Variants in EPB41 observed in about 807,000 individuals in gnomAD.
The protein encoded by EPB41 is protein 4.1.
In EPB41, 65 loss-of-function variants were observed where a neutral mutation model predicts 108.0. The ratio of observed to expected loss-of-function variants is 0.60; its 90% CI spans 0.49 to 0.74. The LOEUF is 0.74. Among genes scored for constraint, EPB41 ranks in the 30% least tolerant of loss-of-function variants. The pLI is 0.00. For synonymous variants in EPB41, 336 were observed against 358.9 expected (o/e 0.94, Z 0.72); for missense variants, 875 against 1,037.0 (o/e 0.84, Z 2.15).
At chr1:29,108,732 T>G (rs1307751860) in intron 17 of EPB41, among the ~76,000 whole-genome samples, 3 of 151,202 alleles carry the variant, frequency 2.0e-5, no homozygotes, top group Non-Finnish European at 4.4e-5. Context: ...TAATTTTGTT[T>G]TTTTAGTAGA....
intron 1 of EPB41, among the ~76,000 whole-genome samples, chr1:28,939,256 A>G (rs183259044): frequency 1.3e-5 from 2 of 152,042 alleles, no homozygotes; most frequent in Non-Finnish European, 2.9e-5. Flanking sequence ...TGAGATGATC[A>G]TGTGGATTTT....
At chr1:28,999,369 CA>C (rs1019507326) in intron 4 of EPB41, among the ~76,000 whole-genome samples, 1 of 150,094 alleles carries the variant, frequency 6.7e-6, no homozygotes, top group Non-Finnish European at 1.5e-5. Context: ...GACTCCATCT[CA>C]AAAAAAAGAA....
In EPB41 at chr1:29,109,743, A is replaced by C. The variant is rs533491054; in HGVS notation, c.2415+306A>C. 39 of 411,660 alleles carry C rather than the reference A, an allele frequency of 9.5e-5. No homozygotes were observed. In the East Asian group the frequency reaches 2.0e-3, roughly 21 times the overall value. The allele number at this position is 411,660 out of a possible 1,614,324, so 25.5% of individuals were successfully genotyped here. ...TCTGGCTGTGGAAGTAAGTTTAAAAAGTCAGCATGGCCAGGCATGGTGGCC... is the reference window on the plus strand; with the variant it reads ...TCTGGCTGTGGAAGTAAGTTTAAAACGTCAGCATGGCCAGGCATGGTGGCC... On this transcript the variant is annotated intron_variant, in intron 18 of 20. Coordinates refer to ENST00000343067, the MANE Select transcript of EPB41 (RefSeq NM_001376013.1).
intron 1 of EPB41, among the ~76,000 whole-genome samples, chr1:28,965,011 A>G (rs2095325024): frequency 6.6e-6 from 1 of 152,152 alleles, no homozygotes. Flanking sequence ...CCTGATTTTT[A>G]AAATAGACTG....
intron 1 of EPB41, among the ~76,000 whole-genome samples, chr1:28,936,791 C>T (rs2094049633): frequency 1.3e-5 from 2 of 152,112 alleles, no homozygotes; most frequent in Admixed American, 6.6e-5. Flanking sequence ...TTGTATATCA[C>T]ATTTTGTTTA....
intron 7 of EPB41, among the ~76,000 whole-genome samples, chr1:29,028,442 G>T (rs1459979940): frequency 6.6e-6 from 1 of 152,080 alleles, no homozygotes; most frequent in African/African-American, 2.4e-5. Flanking sequence ...ATCTCATTTC[G>T]ATCCCAATAG....
In EPB41 at chr1:28,980,992, C is replaced by T. The variant is rs186341643; in HGVS notation, c.-7-6439C>T. Among the ~76,000 whole-genome samples the T allele has an allele frequency of 2.6e-5, 4 of 152,120 alleles. No individual in the cohort carries two copies. The East Asian group carries it at 5.8e-4, about 22-fold the overall frequency. On this transcript the variant is annotated intron_variant, in intron 1 of 20. Transcript: ENST00000343067. ...TTTACCACTTTGGCCAGGCTGGCCT[C>T]GAACTCCTGACCTCAGGTGATCTGC...
In EPB41 at chr1:29,115,757, A is replaced by AG; in HGVS notation, c.2557dup (p.Val853GlyfsTer11). 1 of 1,614,090 alleles carries AG rather than the reference A, an allele frequency of 6.2e-7. No homozygotes were observed. On this transcript the variant is annotated frameshift_variant, in exon 20 of 21. Transcript: ENST00000343067. LOFTEE classifies it high-confidence loss of function. The surrounding 1 kb of genome is among the most constrained non-coding windows in gnomAD (Gnocchi z 4.4). ...CAGCACCCAGACATGTCAGTGACCAAGGTGGTCGTCCACCAGGAGACCGAG... is the reference window on the plus strand; with the variant it reads ...CAGCACCCAGACATGTCAGTGACCAAGGGTGGTCGTCCACCAGGAGACCGAG...
Position 28,887,653 on chromosome 1 carries a change from AG to A in EPB41, c.-8+448del. 1 of 984,846 alleles carries A rather than the reference AG, an allele frequency of 1.0e-6. No individual in the cohort carries two copies. The highest frequency in any genetic ancestry group is 1.2e-6 in the Non-Finnish European group (1 of 829,690). The allele number at this position is 984,846 out of a possible 1,614,324, so 61.0% of individuals were successfully genotyped here. ...GAGCGGGCTGGCGGCTAGCAGCGGG[AG>A]GGGGCTCCGGGGCCTGGAGCCCCGC... On this transcript the variant is annotated intron_variant, in intron 1 of 16. Transcript: ENST00000347529. This position sits in a 1 kb window ranked among gnomAD's most constrained non-coding sequence, Gnocchi z 4.9.
intron 1 of EPB41, among the ~76,000 whole-genome samples, chr1:28,962,933 A>C (rs994056587): frequency 5.3e-5 from 8 of 152,144 alleles, no homozygotes; most frequent in African/African-American, 1.7e-4. Flanking sequence ...AATAATAATA[A>C]AAATAAAGAT....
Position 28,962,210 on chromosome 1 carries a change from G to A in EPB41, c.-7-25221G>A, listed in dbSNP as rs1419517278. ...TGAGTAGCTGGGATTACAGGGGCCC[G>A]CCATCATGCCCGGCTAATTTTTGTA... On this transcript the variant is annotated intron_variant, in intron 1 of 20. Transcript: ENST00000343067. Among the ~76,000 whole-genome samples, 6 of 151,912 alleles carry A rather than the reference G, an allele frequency of 3.9e-5. No individual in the cohort carries two copies. In the East Asian group the frequency reaches 1.2e-3, roughly 29 times the overall value.
upstream of EPB41, among the ~76,000 whole-genome samples, chr1:28,911,520 C>T (rs534813253): frequency 4.2e-4 from 64 of 152,316 alleles, no homozygotes; most frequent in African/African-American, 1.4e-3. Context: ...GCTAGCACTT[C>T]ATGGCATAGA....
At chr1:29,096,349 G>C in intron 16 of EPB41, 1 of 985,960 alleles carries the variant, frequency 1.0e-6, no homozygotes, top group Middle Eastern at 5.2e-4. Flanking sequence ...AAGAGAAGGA[G>C]GAGGGGGCAG....
At chr1:28,965,244 T>C (rs920617102) in intron 1 of EPB41, among the ~76,000 whole-genome samples, 1 of 152,142 alleles carries the variant, frequency 6.6e-6, no homozygotes, top group Non-Finnish European at 1.5e-5. Context: ...AAGAAAAATA[T>C]TTAGTTGTTT....
chr1:29,092,650 A>G (rs1425362367), intron 16 of EPB41, among the ~76,000 whole-genome samples: 1 of 152,124 alleles, frequency 6.6e-6, no homozygotes, highest in Non-Finnish European at 1.5e-5. Context: ...TTGTCACCCA[A>G]GTACTAAGCC....
intron 5 of EPB41, among the ~76,000 whole-genome samples, chr1:29,012,635 TC>T (rs1415948118): frequency 3.3e-5 from 5 of 152,330 alleles, no homozygotes; most frequent in African/African-American, 9.6e-5. Flanking sequence ...TGAAGAAACT[TC>T]CAGGAAATGC....
intron 1 of EPB41, among the ~76,000 whole-genome samples, chr1:28,961,148 TCTA>T (rs1274406827): frequency 1.3e-5 from 2 of 152,134 alleles, no homozygotes; most frequent in Non-Finnish European, 1.5e-5. Flanking sequence ...CATAACCCCT[TCTA>T]CTTTAAATTC....
intron 1 of EPB41, among the ~76,000 whole-genome samples, chr1:28,979,077 A>G (rs948034220): frequency 6.6e-6 from 1 of 151,512 alleles, no homozygotes; most frequent in Non-Finnish European, 1.5e-5. Context: ...CAGATTTGAT[A>G]TTAGAGAAGC....
intron 3 of EPB41, 87 bp downstream of exon 3, chr1:28,993,629 G>C: frequency 9.1e-7 from 1 of 1,094,378 alleles, no homozygotes; most frequent in South Asian, 1.3e-5. Context: ...CCCACGATAA[G>C]ACTCACTGTA....
Sources: gnomAD v4.1 joint callset for allele counts (sites outside exome capture counted in the v4.1 genomes callset) on GRCh38, gnomAD v4.1.1 for gene constraint, Gnocchi (gnomAD v3.1) non-coding constraint, MANE v1.5 for transcripts, NCBI Gene and HGNC (gene_info 2026-07-23, HGNC 2026-07-21) for gene names.